Variants in TRPM6 observed in about 807,000 individuals in gnomAD.
The protein encoded by TRPM6 is transient receptor potential cation channel subfamily M member 6.
Under a neutral mutation model 247.6 loss-of-function variants are expected in TRPM6, and 111 were observed. The ratio of observed to expected loss-of-function variants is 0.45; its 90% CI spans 0.38 to 0.52. The LOEUF (loss-of-function observed/expected upper bound fraction) is 0.52, where lower values mean the gene tolerates loss of function less well. Among genes scored for constraint, TRPM6 ranks in the 20% least tolerant of loss-of-function variants. TRPM6 has a pLI of 0.00. For missense variants in TRPM6, 2,126 were observed against 2,421.5 expected (o/e 0.88, Z 2.56); for synonymous variants, 892 against 853.8 (o/e 1.04, Z -0.78).
chr9:74,778,536 G>A (rs1461341099), intron 23 of TRPM6, among the ~76,000 whole-genome samples: 8 of 152,164 alleles, frequency 5.3e-5, no homozygotes, highest in Non-Finnish European at 1.0e-4. Flanking sequence ...ATCCCTGGAC[G>A]CCACTGCAGC....
chr9:74,830,283 G>GA (rs1229525899), intron 6 of TRPM6, among the ~76,000 whole-genome samples: 1 of 151,932 alleles, frequency 6.6e-6, no homozygotes, highest in Non-Finnish European at 1.5e-5. Flanking sequence ...TACCTTAACA[G>GA]AAGGGTAGAG....
At chr9:74,859,367 C>T (rs1830626233) in intron 1 of TRPM6, among the ~76,000 whole-genome samples, 1 of 152,216 alleles carries the variant, frequency 6.6e-6, no homozygotes. Flanking sequence ...AGCCAAGCTC[C>T]TCCATAAGCT....
intron 16 of TRPM6, 55 bp from the exon 17 acceptor site, chr9:74,800,537 T>C (rs1180011903): frequency 8.3e-7 from 1 of 1,205,706 alleles, no homozygotes; most frequent in Non-Finnish European, 1.2e-6. Context: ...AGCTGCATTA[T>C]TAGAAACATT....
chr9:74,788,629 A>G lies in TRPM6; in HGVS notation c.2652T>C (p.Ile884=), dbSNP rs1401340120. The change falls in exon 20 of 39, where the codon ATT becomes ATC. Residue 884 remains isoleucine, a synonymous_variant. Transcript: ENST00000360774. The stretch of plus-strand genomic sequence containing the variant: ...CATAACTCACCTCCCTGACCACCTC[A>G]ATAGCATTGGTGAAGATGTAAATGC... ...LVSIYIFTNA[I]EVVREICISE... is the part of the protein sequence containing the mutation. 1.9e-6 allele frequency: 3 copies of G among 1,613,830 alleles called. No homozygotes were observed. Among genetic ancestry groups the G allele is most frequent in the South Asian group, 2.2e-5 (2 of 91,078 alleles).
intron 1 of TRPM6, chr9:74,887,246 C>A: frequency 1.6e-6 from 2 of 1,276,508 alleles, no homozygotes; most frequent in Non-Finnish European, 9.9e-7. Context: ...CCGGCGCTGT[C>A]ATCGCTCCGG....
intron 27 of TRPM6, 54 bp downstream of exon 27, chr9:74,761,642 A>T (rs1350573858): frequency 1.9e-6 from 2 of 1,036,634 alleles, no homozygotes; most frequent in Non-Finnish European, 3.1e-6. Context: ...AAACTAAGAT[A>T]GGCCACTACC....
At chr9:74,824,032 T>C (rs977822054) in intron 7 of TRPM6, among the ~76,000 whole-genome samples, 1 of 152,166 alleles carries the variant, frequency 6.6e-6, no homozygotes, top group Non-Finnish European at 1.5e-5. Flanking sequence ...CTTTCTTCTG[T>C]TATATGCTTT....
rs1262930225 is a variant in TRPM6, at chr9:74,786,109, G to T, written c.2684C>A (p.Pro895His). ...EVVREICISE[P>H]GKFTQKVKVW... ...CTTCACCTTTTGGGTAAACTTCCCA[G>T]GTTCTGAAATACAGATCTAAAAGAA... The change falls in exon 21 of 39, where the codon CCT becomes CAT. Residue 895 changes from proline (P) to histidine (H), a missense_variant. By Grantham distance (77) the Pro-to-His change is moderately conservative (BLOSUM62 -2). Around this residue, in one of 3 missense-constraint regions of TRPM6, gnomAD observed 1,082 missense variants for 1,307.9 expected, o/e 0.83. Coordinates refer to ENST00000360774, the MANE Select transcript of TRPM6 (RefSeq NM_017662.5). 1.2e-6 allele frequency: 2 copies of T among 1,614,118 alleles called. No individual in the cohort carries two copies. The highest frequency in any genetic ancestry group is 2.2e-5 in the South Asian group (2 of 91,084).
At chr9:74,886,871 C>A (rs1831547416) in intron 1 of TRPM6, among the ~76,000 whole-genome samples, 1 of 152,218 alleles carries the variant, frequency 6.6e-6, no homozygotes, top group Non-Finnish European at 1.5e-5. Context: ...CTAATTCAGG[C>A]TACCTGGCTC....
At chr9:74,783,287 A>G (rs1403507818) in intron 21 of TRPM6, among the ~76,000 whole-genome samples, 2 of 152,234 alleles carry the variant, frequency 1.3e-5, no homozygotes, top group African/African-American at 4.8e-5. Context: ...TGATCAAGCC[A>G]GTTTAATTCC....
At chr9:74,862,227 G>T (rs1276282696) in intron 1 of TRPM6, among the ~76,000 whole-genome samples, 1 of 151,514 alleles carries the variant, frequency 6.6e-6, no homozygotes, top group Non-Finnish European at 1.5e-5. Flanking sequence ...GCACACTTCC[G>T]AGAGGCCTCC....
At chr9:74,758,619 A>G (rs1470555759) in intron 27 of TRPM6, among the ~76,000 whole-genome samples, 1 of 152,204 alleles carries the variant, frequency 6.6e-6, no homozygotes, top group Non-Finnish European at 1.5e-5. Flanking sequence ...AACTAAAAAC[A>G]GAAGGAAAGT....
chr9:74,833,069 T>A (rs559654971), intron 6 of TRPM6, among the ~76,000 whole-genome samples: 8 of 150,958 alleles, frequency 5.3e-5, no homozygotes, highest in East Asian at 1.9e-4. Context: ...AAAAAAAAAA[T>A]TTAAAACAAC....
chr9:74,748,470 GT>G (rs1344411888), intron 30 of TRPM6, among the ~76,000 whole-genome samples: 1 of 152,210 alleles, frequency 6.6e-6, no homozygotes, highest in Non-Finnish European at 1.5e-5. Flanking sequence ...AGCTCCATGT[GT>G]GTTATTGCCC....
At chr9:74,852,950 C>T (rs896483860) in intron 3 of TRPM6, among the ~76,000 whole-genome samples, 1 of 151,964 alleles carries the variant, frequency 6.6e-6, no homozygotes, top group Non-Finnish European at 1.5e-5. Context: ...GCTTGGCCGC[C>T]CATCGTCTGG....
chr9:74,829,971 A>G (rs1026352859), intron 6 of TRPM6, among the ~76,000 whole-genome samples: 1 of 152,252 alleles, frequency 6.6e-6, no homozygotes. Context: ...AAAGAAAAAA[A>G]TTTTTAAGAA....
chr9:74,824,865 CA>C (rs1829272767), intron 7 of TRPM6, among the ~76,000 whole-genome samples: 2 of 151,956 alleles, frequency 1.3e-5, no homozygotes, highest in African/African-American at 4.8e-5. Context: ...ATTCCTACAG[CA>C]ACTTTATAAT....
chr9:74,859,593 T>G (rs909679372), intron 1 of TRPM6, among the ~76,000 whole-genome samples: 1 of 152,048 alleles, frequency 6.6e-6, no homozygotes, highest in Admixed American at 6.6e-5. Flanking sequence ...GCCATCATGG[T>G]GAAACCCCGT....
At chr9:74,883,724 G>T (rs1047111181) in intron 1 of TRPM6, among the ~76,000 whole-genome samples, 15 of 152,194 alleles carry the variant, frequency 9.9e-5, no homozygotes, top group African/African-American at 2.7e-4. Context: ...CACATGCAAA[G>T]CCAGGCACGG....
Sources: allele counts gnomAD v4.1 joint callset (sites outside exome capture counted in the v4.1 genomes callset), GRCh38; gene constraint gnomAD v4.1.1; regional missense constraint gnomAD v4.1.1; transcripts MANE v1.5; gene names NCBI Gene and HGNC (gene_info 2026-07-23, HGNC 2026-07-21).